Variants in PANK1 observed in about 807,000 individuals in gnomAD.
The protein encoded by PANK1 is pantothenate kinase 1.
Under a neutral mutation model 40.1 loss-of-function variants are expected in PANK1, and 18 were observed. The ratio of observed to expected loss-of-function variants is 0.45; its 90% CI spans 0.31 to 0.67. The LOEUF (loss-of-function observed/expected upper bound fraction) is 0.67, where lower values mean the gene tolerates loss of function less well. PANK1 is among the 30% of genes least tolerant of loss of function. PANK1 has a pLI of 0.06. For synonymous variants in PANK1, 242 were observed against 237.7 expected (o/e 1.02, Z -0.17); for missense variants, 457 against 599.6 (o/e 0.76, Z 2.48).
At chr10:89,641,902 A>T (rs1252527438) in intron 1 of PANK1, among the ~76,000 whole-genome samples, 1 of 152,226 alleles carries the variant, frequency 6.6e-6, no homozygotes, top group Non-Finnish European at 1.5e-5. Flanking sequence ...AGAATTCTGA[A>T]GGTACAGGAA....
intron 1 of PANK1, chr10:89,643,779 A>C: frequency 1.2e-6 from 2 of 1,611,712 alleles, no homozygotes; most frequent in Non-Finnish European, 8.5e-7. Flanking sequence ...AAGAAAAACC[A>C]GCTGTAAACT....
intron 5 of PANK1, among the ~76,000 whole-genome samples, chr10:89,589,173 A>C (rs1037572087): frequency 6.6e-6 from 1 of 152,306 alleles, no homozygotes; most frequent in Admixed American, 6.5e-5. Flanking sequence ...CAACTCACAA[A>C]TAAAACGGCT....
intron 5 of PANK1, among the ~76,000 whole-genome samples, chr10:89,589,074 T>A (rs938347842): frequency 6.6e-6 from 1 of 152,192 alleles, no homozygotes; most frequent in East Asian, 1.9e-4. Flanking sequence ...TACGTATATA[T>A]ACAATTTTAA....
chr10:89,593,933 A>G lies in PANK1; in HGVS notation c.956T>C (p.Phe319Ser). The G allele has an allele frequency of 6.2e-7, 1 of 1,613,854 alleles. No individual in the cohort carries two copies. Among genetic ancestry groups the G allele is most frequent in the Non-Finnish European group, 8.5e-7 (1 of 1,179,718 alleles). Residue 319 changes from phenylalanine to serine, a missense_variant, in exon 4 of 7, where the codon TTT becomes TCT. By Grantham distance (155) the Phe-to-Ser change is radical. Around this residue, in one of 4 missense-constraint regions of PANK1, gnomAD observed 286 missense variants for 415.8 expected, o/e 0.69. Coordinates refer to ENST00000307534, the MANE Select transcript of PANK1 (RefSeq NM_148977.3). The part of the protein sequence containing the change: ...LCCLLTGCET[F>S]EEALEMAAKG... ...AGCTGCCATTTCCAGAGCTTCTTCA[A>G]AGGTCTCACAACCAGTCAGCAAGCA...
intron 1 of PANK1, among the ~76,000 whole-genome samples, chr10:89,630,724 C>A (rs1201414026): frequency 6.6e-6 from 1 of 152,228 alleles, no homozygotes; most frequent in Non-Finnish European, 1.5e-5. Flanking sequence ...GATCTCCTGA[C>A]CTCGTGATCC....
At chr10:89,592,886 C>A (rs1844443165) in intron 5 of PANK1, 4 of 541,808 alleles carry the variant, frequency 7.4e-6, no homozygotes, top group South Asian at 6.2e-5. Context: ...GATGCTCAGA[C>A]CTTTTCCTCA....
At chr10:89,632,203 C>T (rs766612566) in intron 1 of PANK1, among the ~76,000 whole-genome samples, 41 of 152,080 alleles carry the variant, frequency 2.7e-4, no homozygotes, top group Non-Finnish European at 4.1e-4. Flanking sequence ...CTTTCCAAAA[C>T]GCTCACTCAG....
At chr10:89,600,919 C>A (rs1024482186) in intron 2 of PANK1, among the ~76,000 whole-genome samples, 1 of 152,146 alleles carries the variant, frequency 6.6e-6, no homozygotes, top group Admixed American at 6.5e-5. Flanking sequence ...TTACTACATG[C>A]TAAACCCTTG....
chr10:89,624,484 G>T (rs1206173036), intron 1 of PANK1, among the ~76,000 whole-genome samples: 1 of 152,118 alleles, frequency 6.6e-6, no homozygotes, highest in Non-Finnish European at 1.5e-5. Context: ...TCTACATTTT[G>T]CTCTACACCC....
chr10:89,607,623 A>G (rs1845008601), intron 2 of PANK1, among the ~76,000 whole-genome samples: 1 of 152,214 alleles, frequency 6.6e-6, no homozygotes, highest in African/African-American at 2.4e-5. Context: ...GAAAAGCTAT[A>G]TGGGCAGAAT....
intron 2 of PANK1, among the ~76,000 whole-genome samples, chr10:89,605,197 A>C (rs1354686565): frequency 6.6e-6 from 1 of 152,200 alleles, no homozygotes; most frequent in Non-Finnish European, 1.5e-5. Context: ...GCTGCTGACT[A>C]ATCAAAGCAG....
chr10:89,611,100 A>G (rs1245895038), intron 2 of PANK1, among the ~76,000 whole-genome samples: 1 of 152,224 alleles, frequency 6.6e-6, no homozygotes, highest in Non-Finnish European at 1.5e-5. Flanking sequence ...GCCAGTCAGG[A>G]TACAGCATTA....
chr10:89,614,086 T>C (rs1182893078), intron 1 of PANK1: 1 of 452,816 alleles, frequency 2.2e-6, no homozygotes, highest in South Asian at 1.6e-5. Context: ...CCAGAGTCTT[T>C]TTCAGTGGAG....
At chr10:89,608,791 G>A (rs942580833) in intron 2 of PANK1, among the ~76,000 whole-genome samples, 7 of 152,140 alleles carry the variant, frequency 4.6e-5, no homozygotes, top group Non-Finnish European at 7.3e-5. Flanking sequence ...GTTTTAATAC[G>A]TACAGTAGTA....
chr10:89,593,122 G>A lies in PANK1; in HGVS notation c.1200+75C>T, dbSNP rs539460724. 9.1e-6 allele frequency: 13 copies of A among 1,430,264 alleles called. No homozygotes were observed. The East Asian group carries it at 2.3e-4, about 25-fold the overall frequency. The allele number at this position is 1,430,264 out of a possible 1,614,324, so 88.6% of individuals were successfully genotyped here. ...CCTAAGGATATGTAGTTGTGTAAGA[G>A]TCAACAGGTGTTGCACTGCCAAGAT... is the stretch of plus-strand genomic sequence containing the variant. On this transcript the variant is annotated intron_variant, in intron 5 of 6. Transcript: ENST00000307534.
At chr10:89,618,526 T>C (rs866372093) in intron 1 of PANK1, among the ~76,000 whole-genome samples, 6 of 152,204 alleles carry the variant, frequency 3.9e-5, no homozygotes, top group Non-Finnish European at 7.3e-5. Context: ...ATTTTGCCTG[T>C]AAGAGGGAGA....
chr10:89,608,335 C>T (rs1393020306), intron 2 of PANK1, among the ~76,000 whole-genome samples: 1 of 151,562 alleles, frequency 6.6e-6, no homozygotes, highest in Non-Finnish European at 1.5e-5. Flanking sequence ...CTGGCCAATC[C>T]TAAAATGTTA....
chr10:89,593,358 C>G (rs746876439), intron 4 of PANK1, 38 bp from the exon 5 acceptor site: 1 of 1,604,630 alleles, frequency 6.2e-7, no homozygotes, highest in East Asian at 2.2e-5. Context: ...TCAAAATCGT[C>G]CTCAGGCAGG....
At chr10:89,625,707 C>CTTTTA (rs796182287) in intron 1 of PANK1, 3 of 149,724 alleles carry the variant, frequency 2.0e-5, no homozygotes, top group African/African-American at 7.4e-5. Context: ...AGCTCTGTTG[C>CTTTTA]TTTTATTTTA....
Sources: allele counts gnomAD v4.1 joint callset (sites outside exome capture counted in the v4.1 genomes callset), GRCh38; gene constraint gnomAD v4.1.1; regional missense constraint gnomAD v4.1.1; transcripts MANE v1.5; gene names NCBI Gene and HGNC (gene_info 2026-07-23, HGNC 2026-07-21).